LIMCH1: variants seen among roughly 807,000 people sequenced by gnomAD.
LIMCH1 encodes the protein LIM and calponin homology domains-containing protein 1.
A neutral mutation model predicts 176.5 loss-of-function variants in LIMCH1; 113 were observed. The observed-to-expected ratio is 0.64, with a 90% CI of 0.55 to 0.75. The LOEUF (loss-of-function observed/expected upper bound fraction) is 0.75. Among genes scored for constraint, LIMCH1 ranks in the 30% least tolerant of loss-of-function variants. The pLI, the probability that LIMCH1 is intolerant of heterozygous loss-of-function variation, is 0.00. For missense variants in LIMCH1, 1,674 were observed against 1,814.9 expected (o/e 0.92, Z 1.41); for synonymous variants, 619 against 645.9 (o/e 0.96, Z 0.63).
chr4:41,377,660 T>G (rs2054970683), intron 1 of LIMCH1, among the ~76,000 whole-genome samples: 1 of 152,132 alleles, frequency 6.6e-6, no homozygotes, highest in Admixed American at 6.6e-5. Flanking sequence ...GAAAATAAAT[T>G]TATTTGTTAC....
chr4:41,628,017 A>G (rs1399742873), intron 8 of LIMCH1, among the ~76,000 whole-genome samples: 2 of 152,220 alleles, frequency 1.3e-5, no homozygotes, highest in African/African-American at 2.4e-5. Context: ...CCCATGAGGG[A>G]TTCCTGGATA....
chr4:41,680,098 G>T lies in LIMCH1; in HGVS notation c.3612G>T (p.Glu1204Asp). ...VEEEERRYYE[E>D]ERKIIEDTVV... is the part of the protein sequence containing the mutation. ...AGGAAGAACGCAGATACTATGAGGA[G>T]GTAGGAAATTCCCAAGAAGGAATTT... is the stretch of plus-strand genomic sequence containing the variant. Residue 1204 changes from glutamate to aspartate, a missense_variant and splice_region_variant, in exon 24 of 32, where the codon GAG becomes GAT. Physicochemically the swap from Glu to Asp is conservative, Grantham distance 45 (BLOSUM62 2). This residue lies in a region of LIMCH1 where 1,015 missense variants were observed against 1,102.5 expected (regional missense o/e 0.92). Coordinates refer to ENST00000503057, the MANE Select transcript of LIMCH1 (RefSeq NM_001330672.2). 6.3e-7 allele frequency: 1 copy of T among 1,593,870 alleles called. No individual in the cohort carries two copies. Among genetic ancestry groups the T allele is most frequent in the African/African-American group, 1.3e-5 (1 of 74,782 alleles).
intron 6 of LIMCH1, chr4:41,619,751 A>G (rs1297879281): frequency 2.6e-6 from 1 of 379,790 alleles, no homozygotes; most frequent in Non-Finnish European, 4.8e-6. Flanking sequence ...TTCTGCGGAG[A>G]CTGCTTGACT....
intron 1 of LIMCH1, among the ~76,000 whole-genome samples, chr4:41,458,528 G>A (rs1033645181): frequency 6.6e-6 from 1 of 152,058 alleles, no homozygotes; most frequent in African/African-American, 2.4e-5. Flanking sequence ...TGTAATGCCA[G>A]CACTTTGGGA....
At chr4:41,598,831 G>T in intron 1 of LIMCH1, 89 bp from the exon 2 acceptor site, 1 of 705,102 alleles carries the variant, frequency 1.4e-6, no homozygotes, top group South Asian at 1.9e-5. Context: ...CTGCCTTAGT[G>T]ACCAGTATCC....
chr4:41,678,746 G>GTA (rs4038667), intron 23 of LIMCH1, among the ~76,000 whole-genome samples: 2 of 151,692 alleles, frequency 1.3e-5, no homozygotes, highest in African/African-American at 4.8e-5. Context: ...GTGTGTGTGT[G>GTA]AGTGAAATAC....
chr4:41,491,292 C>T lies in LIMCH1; in HGVS notation c.97-3244C>T, dbSNP rs6827860. On this transcript the variant is annotated intron_variant, in intron 1 of 26. Transcript: ENST00000313860. ...TAGATGATGGGTGGCTGGGCAGAGG[C>T]GCTCCCCACCTCCCAGACGGGGCAG... is the stretch of plus-strand genomic sequence containing the variant. Among the ~76,000 whole-genome samples the T allele has an allele frequency of 2.1e-3, 217 of 104,760 alleles. 1 individual carries two copies. Among genetic ancestry groups the T allele is most frequent in the Middle Eastern group, 6.4e-3 (1 of 156 alleles). The allele number at this position is 104,760 out of a possible 152,430, so 68.7% of individuals were successfully genotyped here.
intron 1 of LIMCH1, among the ~76,000 whole-genome samples, chr4:41,478,558 T>C (rs951549528): frequency 6.6e-6 from 1 of 152,210 alleles, no homozygotes; most frequent in Admixed American, 6.5e-5. Flanking sequence ...AACAGTTTTG[T>C]GGTTACTTTG....
intron 1 of LIMCH1, among the ~76,000 whole-genome samples, chr4:41,444,252 TCATATTA>T (rs2063015289): frequency 6.6e-6 from 1 of 151,500 alleles, no homozygotes; most frequent in South Asian, 2.1e-4. Flanking sequence ...GACTTTTCAG[TCATATTA>T]CATATGACTG....
chr4:41,572,333 A>C (rs565037812), intron 1 of LIMCH1, among the ~76,000 whole-genome samples: 1 of 152,172 alleles, frequency 6.6e-6, no homozygotes, highest in South Asian at 2.1e-4. Context: ...TTGGCAATAC[A>C]TTGGATTTAG....
At chr4:41,653,848 A>T (rs1272320091) in intron 18 of LIMCH1, among the ~76,000 whole-genome samples, 2 of 152,238 alleles carry the variant, frequency 1.3e-5, no homozygotes, top group African/African-American at 4.8e-5. Context: ...CTTACTTTAG[A>T]ACTAGGTCCT....
chr4:41,621,475 A>C (rs1055678778), intron 7 of LIMCH1, among the ~76,000 whole-genome samples: 20 of 151,104 alleles, frequency 1.3e-4, no homozygotes, highest in Admixed American at 1.3e-3. Flanking sequence ...TGACAGTTGG[A>C]ATTCCTTTGC....
At chr4:41,465,364 G>A (rs4438789) in intron 1 of LIMCH1, among the ~76,000 whole-genome samples, 5,375 of 152,128 alleles carry the variant, frequency 0.035, 147 homozygotes, top group East Asian at 0.12. Flanking sequence ...CTCAAGTCCC[G>A]CTGCCAGCAC....
intron 1 of LIMCH1, among the ~76,000 whole-genome samples, chr4:41,418,443 A>C (rs1325598580): frequency 6.6e-6 from 1 of 152,180 alleles, no homozygotes. Flanking sequence ...ACAGGACTAT[A>C]AAAAAGTCCA....
At chr4:41,367,703 A>AAAAAAAAAAAAG (rs2053270807) in intron 1 of LIMCH1, among the ~76,000 whole-genome samples, 1 of 150,288 alleles carries the variant, frequency 6.7e-6, no homozygotes, top group African/African-American at 2.4e-5. Flanking sequence ...AAAAAAAAAA[A>AAAAAAAAAAAAG]AAAGGAAAGA....
chr4:41,683,426 C>G (rs1717946136), intron 26 of LIMCH1, among the ~76,000 whole-genome samples: 1 of 152,140 alleles, frequency 6.6e-6, no homozygotes, highest in African/African-American at 2.4e-5. Context: ...AAGGGACCCA[C>G]AGAAAGCCCA....
intron 1 of LIMCH1, among the ~76,000 whole-genome samples, chr4:41,577,681 G>C (rs907582464): frequency 8.6e-5 from 13 of 151,994 alleles, no homozygotes; most frequent in African/African-American, 3.1e-4. Flanking sequence ...CTCTAGACTC[G>C]GCCTCCCAAA....
chr4:41,612,013 G>T (rs544194847), intron 4 of LIMCH1, among the ~76,000 whole-genome samples: 2 of 152,256 alleles, frequency 1.3e-5, no homozygotes, highest in South Asian at 4.2e-4. Flanking sequence ...CCTCTGGAGG[G>T]TTATGCCGGC....
chr4:41,611,110 A>G (rs918602859), intron 4 of LIMCH1, among the ~76,000 whole-genome samples: 1 of 152,246 alleles, frequency 6.6e-6, no homozygotes, highest in African/African-American at 2.4e-5. Flanking sequence ...CATTTGGATA[A>G]TGGAGACTCA....
Sources: gnomAD v4.1 joint callset for allele counts (sites outside exome capture counted in the v4.1 genomes callset) on GRCh38, gnomAD v4.1.1 for gene constraint, gnomAD v4.1.1 regional missense constraint, MANE v1.5 for transcripts, NCBI Gene and HGNC (gene_info 2026-07-23, HGNC 2026-07-21) for gene names.